Variants in TTC16 observed in about 807,000 individuals in gnomAD.
TTC16 encodes the protein tetratricopeptide repeat protein 16.
In TTC16, 66 loss-of-function variants were observed where a neutral mutation model predicts 80.4. That is an observed-to-expected ratio of 0.82 (90% CI 0.67 to 1.01). The LOEUF (loss-of-function observed/expected upper bound fraction) is 1.01. Ranked by LOEUF, TTC16 falls within the 50% of genes least tolerant of loss-of-function variation. The probability of loss-of-function intolerance (pLI) is 0.00; values close to 1 mark genes in which losing one functional copy is unlikely to be tolerated. For missense variants in TTC16, 1,070 were observed against 1,103.2 expected (o/e 0.97, Z 0.43); for synonymous variants, 438 against 451.3 (o/e 0.97, Z 0.37).
chr9:127,717,587 A>G, intron 3 of TTC16, 42 bp from the exon 4 acceptor site: 1 of 1,606,480 alleles, frequency 6.2e-7, no homozygotes, highest in Non-Finnish European at 8.5e-7. Flanking sequence ...CCAGGGGCAG[A>G]TGGTGGGGAG....
At chr9:127,719,171 A>T (rs976376657) in intron 4 of TTC16, among the ~76,000 whole-genome samples, 9 of 151,772 alleles carry the variant, frequency 5.9e-5, no homozygotes, top group Admixed American at 5.9e-4. Context: ...AGATCGTGCC[A>T]CTGTACTCCA....
Position 127,726,224 on chromosome 9 carries a change from C to G in TTC16, c.1260-15C>G. The G allele has an allele frequency of 4.5e-6, 7 of 1,566,574 alleles. No individual in the cohort carries two copies. Among genetic ancestry groups the G allele is most frequent in the Non-Finnish European group, 6.1e-6 (7 of 1,150,894 alleles). On this transcript the variant is annotated splice_polypyrimidine_tract_variant and intron_variant, in intron 9 of 13. Coordinates refer to ENST00000373289, the MANE Select transcript of TTC16 (RefSeq NM_144965.3). ...GCCCAGCTCATAGCAGCTTGGGACC[C>G]ACTGTGTCGTGCAGGCAGTTCCAGA...
Position 127,724,770 on chromosome 9 carries a change from C to G in TTC16, c.1132C>G (p.Leu378Val). Reference protein sequence around the residue: ...YINRGDCFFQLGNLAFAEADY... With the variant: ...YINRGDCFFQVGNLAFAEADY... ...CCGGACCCTAGATTGCTTCTTCCAG[C>G]TGGGCAACCTGGCCTTTGCCGAGGC... The change falls in exon 9 of 14, where the codon CTG becomes GTG. Residue 378 changes from leucine to valine, a missense_variant. By Grantham distance (32) the Leu-to-Val change is conservative. Transcript: ENST00000373289. 1 of 1,610,436 alleles carries G rather than the reference C, an allele frequency of 6.2e-7. No individual in the cohort carries two copies.
rs1268564399 is a variant in TTC16 at position 127,729,664 on chromosome 9, G to C, written c.1848G>C (p.Met616Ile). 6.2e-7 allele frequency: 1 copy of C among 1,613,392 alleles called. No homozygotes were observed. Among genetic ancestry groups the C allele is most frequent in the South Asian group, 1.1e-5 (1 of 91,082 alleles). The change falls in exon 13 of 14, where the codon ATG (methionine) becomes ATC (isoleucine). Residue 616 changes from methionine to isoleucine, a missense_variant. Physicochemically the swap from Met to Ile is conservative, Grantham distance 10 (BLOSUM62 1). Transcript: ENST00000373289. ...ACCAGACCTCTTCAGCCTCCAGCAT[G>C]AGCTGTAAGTCCCTGGTGCTTCCGC... The part of the protein sequence containing the change: ...YLDQTSSASS[M>I]SFRTTGTSET...
In TTC16 at chr9:127,717,689, G is replaced by A. The variant is rs112624043; in HGVS notation, c.343G>A (p.Ala115Thr). 633 of 1,613,908 alleles carry A rather than the reference G, an allele frequency of 3.9e-4. 5 individuals carry two copies. The African/African-American group carries it at 7.1e-3, about 18-fold the overall frequency. ...YLQLCDFSSA[A>T]QNLRRAYSLQ... Reference sequence around the variant, plus strand: ...CCAGCTCTGTGACTTCTCCTCGGCCGCCCAGAACCTGCGAAGGGCCTACTC... The same window carrying A: ...CCAGCTCTGTGACTTCTCCTCGGCCACCCAGAACCTGCGAAGGGCCTACTC... Residue 115 changes from alanine (A) to threonine (T), a missense_variant, in exon 4 of 14, where the codon GCC becomes ACC. By Grantham distance (58) the Ala-to-Thr change is moderately conservative. Coordinates refer to ENST00000373289, the MANE Select transcript of TTC16 (RefSeq NM_144965.3).
chr9:127,727,521 C>A lies in TTC16; in HGVS notation c.1764+56C>A, dbSNP rs767433700. ...CCTTGGGGTCTGGGGCACAGCGTACCCCAGCCCAGGGCTGAAGGATGCAGG... is the reference window on the plus strand; with the variant it reads ...CCTTGGGGTCTGGGGCACAGCGTACACCAGCCCAGGGCTGAAGGATGCAGG... On this transcript the variant is annotated intron_variant, in intron 12 of 13. Transcript: ENST00000373289. 16 of 1,538,328 alleles carry A rather than the reference C, an allele frequency of 1.0e-5. No homozygotes were observed. The East Asian group carries it at 3.7e-4, about 35-fold the overall frequency.
chr9:127,721,583 G>A (rs1305227413), intron 6 of TTC16, among the ~76,000 whole-genome samples: 1 of 152,088 alleles, frequency 6.6e-6, no homozygotes, highest in African/African-American at 2.4e-5. Flanking sequence ...AGGAGGGAGC[G>A]CCACCACCCT....
rs1843821295 is a variant in TTC16, at chr9:127,725,017, A to G, written c.1259+120A>G. 9.1e-6 allele frequency: 11 copies of G among 1,210,492 alleles called. No individual in the cohort carries two copies. In the South Asian group the frequency reaches 1.5e-4, roughly 16 times the overall value. The allele number at this position is 1,210,492 out of a possible 1,614,324, so 75.0% of individuals were successfully genotyped here. A position where few individuals can be genotyped will look rare whatever the true frequency, so the allele number is the denominator to read the frequency against. The stretch of plus-strand genomic sequence containing the variant: ...CTTCTCTCCTCGGGGGCGATGGCTC[A>G]TCCCTGTAATCCCCACGCAGGTGGA... On this transcript the variant is annotated intron_variant, in intron 9 of 13. Coordinates refer to ENST00000373289, the MANE Select transcript of TTC16 (RefSeq NM_144965.3).
chr9:127,726,319 C>A lies in TTC16; in HGVS notation c.1340C>A (p.Ala447Asp), dbSNP rs893061205. 6.2e-7 allele frequency: 1 copy of A among 1,612,292 alleles called. No homozygotes were observed. The highest frequency in any genetic ancestry group is 1.1e-5 in the South Asian group (1 of 91,010). ...AAGGCCCAGTACTACCTGTACCGGG[C>A]CAAGAGCCGGCAGCTGCTGCAGAAC... Reference protein sequence around the residue: ...PQKAQYYLYRAKSRQLLQNIF... With the variant: ...PQKAQYYLYRDKSRQLLQNIF... The change falls in exon 10 of 14, where the codon GCC becomes GAC. Residue 447 changes from alanine (A) to aspartate (D), a missense_variant. By Grantham distance (126) the Ala-to-Asp change is moderately radical. Transcript: ENST00000373289.
chr9:127,730,847 C>G lies in TTC16; in HGVS notation c.2064C>G (p.Thr688=). The change falls in exon 14 of 14, where the codon ACC becomes ACG. Residue 688 remains threonine, a synonymous_variant. Coordinates refer to ENST00000373289, the MANE Select transcript of TTC16 (RefSeq NM_144965.3). ...QRQSLSKTEP[T]QSQRRNSSKT... The stretch of plus-strand genomic sequence containing the variant: ...AGAGCCTTAGCAAGACTGAGCCCAC[C>G]CAGAGCCAGAGGCGGAACTCCAGCA... The G allele has an allele frequency of 6.2e-7, 1 of 1,613,164 alleles. No individual in the cohort carries two copies.
In TTC16 at chr9:127,724,674, G is replaced by A. The variant is rs545570589; in HGVS notation, c.1118-82G>A. 20 of 1,528,796 alleles carry A rather than the reference G, an allele frequency of 1.3e-5. No homozygotes were observed. In the South Asian group the frequency reaches 1.6e-4, roughly 12 times the overall value. 94.7% of individuals were successfully genotyped at this position (1,528,796 alleles called of 1,614,324 possible). On this transcript the variant is annotated intron_variant, in intron 8 of 13. Transcript: ENST00000373289. ...TATCAGCCACCAGTTTCAGGCCCTGGCCCCCGGGCTGGAGCCGGCTGGGCT... is the reference window on the plus strand; with the variant it reads ...TATCAGCCACCAGTTTCAGGCCCTGACCCCCGGGCTGGAGCCGGCTGGGCT...
intron 8 of TTC16, 64 bp from the exon 9 acceptor site, chr9:127,724,692 G>A (rs1447255997): frequency 8.0e-5 from 125 of 1,564,744 alleles, no homozygotes; most frequent in Non-Finnish European, 9.7e-5. Context: ...GCTGGAGCCG[G>A]CTGGGCTGGG....
chr9:127,724,560 A>C lies in TTC16; in HGVS notation c.1117+196A>C, dbSNP rs985482414. 5.4e-5 allele frequency: 59 copies of C among 1,083,148 alleles called. No homozygotes were observed. The African/African-American group carries it at 7.2e-4, about 13-fold the overall frequency. 67.1% of individuals were successfully genotyped at this position (1,083,148 alleles called of 1,614,324 possible). ...ATGTTGCCTTAGACAAACTGGCTCC[A>C]GACTCCTTAAAATGCTCAAAACAGG... is the stretch of plus-strand genomic sequence containing the variant. On this transcript the variant is annotated intron_variant, in intron 8 of 13. Coordinates refer to ENST00000373289, the MANE Select transcript of TTC16 (RefSeq NM_144965.3).
Position 127,724,878 on chromosome 9 carries a change from T to G in TTC16, c.1240T>G (p.Phe414Val), listed in dbSNP as rs77630455. ...RMGLLQEKMGFCEQRRKQFQK... is the reference protein window; with the variant it reads ...RMGLLQEKMGVCEQRRKQFQK... ...GGGCCTGCTGCAGGAGAAGATGGGC[T>G]TCTGCGAGCAGAGGCGCAAGTGCGT... Residue 414 changes from phenylalanine to valine, a missense_variant, in exon 9 of 14, where the codon TTC becomes GTC. Physicochemically the swap from Phe to Val is conservative, Grantham distance 50 (BLOSUM62 -1). Coordinates refer to ENST00000373289, the MANE Select transcript of TTC16 (RefSeq NM_144965.3). 2,086 of 1,562,414 alleles carry G rather than the reference T, an allele frequency of 1.3e-3. 22 individuals carry two copies. The African/African-American group carries it at 0.026, about 19-fold the overall frequency.
rs1203761545 is a variant in TTC16, at chr9:127,727,005, G to A, written c.1461G>A (p.Met487Ile). The stretch of plus-strand genomic sequence containing the variant: ...TGATGACCAACCTCTTCCCGGGCAT[G>A]TCGGTGGAGGAGGTGCTTAGCACCC... ...SLLMTNLFPG[M>I]SVEEVLSTQI... Residue 487 changes from methionine (M) to isoleucine (I), a missense_variant, in exon 11 of 14, where the codon ATG (methionine) becomes ATA (isoleucine). Physicochemically the swap from Met to Ile is conservative, Grantham distance 10 (BLOSUM62 1). Coordinates refer to ENST00000373289, the MANE Select transcript of TTC16 (RefSeq NM_144965.3). The A allele has an allele frequency of 6.2e-7, 1 of 1,613,130 alleles. No individual in the cohort carries two copies. The highest frequency in any genetic ancestry group is 8.5e-7 in the Non-Finnish European group (1 of 1,180,016).
chr9:127,719,784 A>C (rs1344728319), intron 4 of TTC16, among the ~76,000 whole-genome samples: 1 of 152,196 alleles, frequency 6.6e-6, no homozygotes, highest in African/African-American at 2.4e-5. Flanking sequence ...AGGTGTGAGC[A>C]ACCATGTCTG....
chr9:127,729,417 A>C, intron 12 of TTC16, 164 bp from the exon 13 acceptor site: 1 of 593,436 alleles, frequency 1.7e-6, no homozygotes. Context: ...CCTTCCTGCC[A>C]GGCTTAGCCT....
chr9:127,723,905 C>CAAAA lies in TTC16; in HGVS notation c.873-205_873-202dup, dbSNP rs11410543. On this transcript the variant is annotated intron_variant, in intron 7 of 13. Transcript: ENST00000373289. ...GCTCCCAAAAAAGAAGGTATTTTTGCAAAAAAAAAAAAATGCTCAGTGCCT... is the reference window on the plus strand; with the variant it reads ...GCTCCCAAAAAAGAAGGTATTTTTGCAAAAAAAAAAAAAAAAATGCTCAGTGCCT... Among the ~76,000 whole-genome samples the CAAAA allele has an allele frequency of 2.8e-3, 410 of 146,210 alleles. 11 individuals carry two copies. The East Asian group carries it at 0.063, about 23-fold the overall frequency.
Position 127,718,556 on chromosome 9 carries a change from C to T in TTC16, c.426+784C>T, listed in dbSNP as rs531895450. 5.9e-5 allele frequency among the ~76,000 whole-genome samples: 9 copies of T among 152,050 alleles called. No homozygotes were observed. Among genetic ancestry groups the T allele is most frequent in the African/African-American group, 2.2e-4 (9 of 41,500 alleles). On this transcript the variant is annotated intron_variant, in intron 4 of 13. Coordinates refer to ENST00000373289, the MANE Select transcript of TTC16 (RefSeq NM_144965.3). This position sits in a 1 kb window ranked among gnomAD's most constrained non-coding sequence, Gnocchi z 4.6. ...AAAAACAATATTAAACTATAAAACA[C>T]CAACGAAGTGTTGCTTTTTTCCATT...
Sources: allele counts gnomAD v4.1 joint callset (sites outside exome capture counted in the v4.1 genomes callset), GRCh38; gene constraint gnomAD v4.1.1; non-coding constraint Gnocchi (gnomAD v3.1); transcripts MANE v1.5; gene names NCBI Gene and HGNC (gene_info 2026-07-23, HGNC 2026-07-21).